The following DPP10 variants were observed in gnomAD, a reference collection of about 807,000 sequenced individuals.
The protein encoded by DPP10 is dipeptidyl peptidase like 10.
In DPP10, 33 loss-of-function variants were observed where a neutral mutation model predicts 120.9. The observed-to-expected ratio is 0.27, with a 90% CI of 0.21 to 0.37. DPP10 has a LOEUF of 0.37. Among genes scored for constraint, DPP10 ranks in the 10% least tolerant of loss-of-function variants. The pLI is 1.00. For missense variants in DPP10, 816 were observed against 942.8 expected (o/e 0.87, Z 1.76); for synonymous variants, 337 against 326.1 (o/e 1.03, Z -0.36).
chr2:114,683,587 T>C (rs918997723), intron 1 of DPP10, among the ~76,000 whole-genome samples: 2 of 111,614 alleles, frequency 1.8e-5, no homozygotes, highest in Non-Finnish European at 3.9e-5. Context: ...TCTCTCTTTT[T>C]CTTTTTTTCT....
At chr2:114,965,964 CAAAAAAAAA>C (rs57107624) in intron 1 of DPP10, among the ~76,000 whole-genome samples, 57 of 74,820 alleles carry the variant, frequency 7.6e-4, no homozygotes, top group Admixed American at 1.4e-3. Context: ...GACTCCTTCT[CAAAAAAAAA>C]AAAAAAAAAA....
intron 1 of DPP10, among the ~76,000 whole-genome samples, chr2:114,851,954 C>T (rs1282692716): frequency 1.3e-5 from 2 of 151,856 alleles, no homozygotes; most frequent in African/African-American, 4.8e-5. Flanking sequence ...CATGCCACTT[C>T]CTTTCATAAA....
intron 1 of DPP10, among the ~76,000 whole-genome samples, chr2:114,726,758 G>A (rs1306332625): frequency 1.3e-5 from 2 of 152,182 alleles, no homozygotes; most frequent in Admixed American, 6.5e-5. Context: ...CAGGCCACCT[G>A]TAGTTTGAAT....
At chr2:114,681,626 C>T (rs1433521462) in intron 1 of DPP10, among the ~76,000 whole-genome samples, 2 of 151,880 alleles carry the variant, frequency 1.3e-5, no homozygotes, top group Non-Finnish European at 2.9e-5. Flanking sequence ...ACTTTATTAT[C>T]CAACAGCAGG....
chr2:115,707,057 G>A (rs1470720447), intron 7 of DPP10, among the ~76,000 whole-genome samples: 2 of 151,898 alleles, frequency 1.3e-5, no homozygotes, highest in African/African-American at 4.8e-5. Flanking sequence ...GGAACATAGA[G>A]TAAAAAGAAA....
intron 1 of DPP10, among the ~76,000 whole-genome samples, chr2:115,201,076 A>G (rs2055673581): frequency 6.6e-6 from 1 of 152,160 alleles, no homozygotes; most frequent in South Asian, 2.1e-4. Flanking sequence ...ATGAGACTCC[A>G]GGCATTACAA....
chr2:115,389,266 C>G (rs1483539249), intron 3 of DPP10, among the ~76,000 whole-genome samples: 1 of 104,332 alleles, frequency 9.6e-6, no homozygotes, highest in East Asian at 2.6e-4. Flanking sequence ...TTACTAAACA[C>G]ACACACACAC....
chr2:115,435,158 A>G (rs1255114729), intron 3 of DPP10, among the ~76,000 whole-genome samples: 3 of 151,744 alleles, frequency 2.0e-5, no homozygotes, highest in African/African-American at 7.3e-5. Context: ...GAGTGCAGAT[A>G]TCTCTTCAAC....
At chr2:114,852,151 CTTTTTTTTT>C (rs34580352) in intron 1 of DPP10, among the ~76,000 whole-genome samples, 9 of 53,728 alleles carry the variant, frequency 1.7e-4, no homozygotes, top group Admixed American at 3.0e-4. Context: ...CGATTGCATC[CTTTTTTTTT>C]TTTTTTTTTT....
chr2:115,375,422 A>G (rs2065718420), intron 3 of DPP10, among the ~76,000 whole-genome samples: 1 of 151,980 alleles, frequency 6.6e-6, no homozygotes, highest in African/African-American at 2.4e-5. Flanking sequence ...CATCACTATC[A>G]CCCTTTTGGT....
At position 115,034,071 on chromosome 2, in the gene DPP10, T is replaced by A. The variant is rs147175028; in HGVS notation, c.61-275168T>A. Among the ~76,000 whole-genome samples, 252 of 151,752 alleles carry A rather than the reference T, an allele frequency of 1.7e-3. 1 individual carries two copies. Among genetic ancestry groups the A allele is most frequent in the Middle Eastern group, 0.014 (4 of 294 alleles). On this transcript the variant is annotated intron_variant, in intron 1 of 25. Coordinates refer to ENST00000410059, the MANE Select transcript of DPP10 (RefSeq NM_020868.6). ...TACCACCAAGCCCAGCTAATTTTTG[T>A]ATTTTAATAGAGACGGGGTTTCACC...
At chr2:115,209,196 C>T (rs1379346907) in intron 1 of DPP10, among the ~76,000 whole-genome samples, 2 of 152,102 alleles carry the variant, frequency 1.3e-5, no homozygotes, top group Non-Finnish European at 2.9e-5. Context: ...GTCAAACATT[C>T]TCAGTTTCAG....
chr2:115,516,027 G>A (rs1204665791), intron 4 of DPP10, among the ~76,000 whole-genome samples: 2 of 152,028 alleles, frequency 1.3e-5, no homozygotes, highest in Non-Finnish European at 2.9e-5. Context: ...GAAGCTATTG[G>A]TGAACATTTC....
chr2:115,740,149 C>T (rs1677076333), intron 9 of DPP10, among the ~76,000 whole-genome samples: 1 of 151,832 alleles, frequency 6.6e-6, no homozygotes. Context: ...TTTATTTTTT[C>T]ACACCTTACA....
intron 1 of DPP10, among the ~76,000 whole-genome samples, chr2:114,459,901 T>G (rs1678781819): frequency 6.6e-6 from 1 of 152,204 alleles, no homozygotes. Context: ...GGGAACTTGC[T>G]TGGCTGCTAT....
intron 7 of DPP10, among the ~76,000 whole-genome samples, chr2:115,722,913 T>C (rs1418998920): frequency 6.6e-6 from 1 of 152,272 alleles, no homozygotes; most frequent in Non-Finnish European, 1.5e-5. Context: ...AAAGTGGTGG[T>C]ATGCAGAACC....
At chr2:115,525,346 C>A (rs2078064131) in intron 4 of DPP10, among the ~76,000 whole-genome samples, 1 of 152,080 alleles carries the variant, frequency 6.6e-6, no homozygotes, top group East Asian at 1.9e-4. Flanking sequence ...CAAAATTAGT[C>A]AAGTACAGTG....
chr2:115,384,642 GGAAGAAGAAGAAGGAA>G lies in DPP10; in HGVS notation c.271+40755_271+40770del, dbSNP rs759026921. Among the ~76,000 whole-genome samples, 179 of 138,390 alleles carry G rather than the reference GGAAGAAGAAGAAGGAA, an allele frequency of 1.3e-3. 2 individuals carry two copies. The South Asian group carries it at 0.017, about 13-fold the overall frequency. The allele number at this position is 138,390 out of a possible 152,430, so 90.8% of individuals were successfully genotyped here. A position where few individuals can be genotyped will look rare whatever the true frequency, so the allele number is the denominator to read the frequency against. On this transcript the variant is annotated intron_variant, in intron 3 of 25. Coordinates refer to ENST00000410059, the MANE Select transcript of DPP10 (RefSeq NM_020868.6). ...GAAGAAGAAGAGGAAGAAGAAAGAA[GGAAGAAGAAGAAGGAA>G]GAAGAAGAAGAAGGAAGAAGAAGAG... is the stretch of plus-strand genomic sequence containing the variant.
intron 1 of DPP10, among the ~76,000 whole-genome samples, chr2:115,067,724 G>A (rs539248320): frequency 4.6e-4 from 69 of 149,278 alleles, no homozygotes; most frequent in Non-Finnish European, 8.3e-4. Context: ...TTAGCCGGGC[G>A]TGGTGGCGGG....
Sources: allele counts gnomAD v4.1 joint callset (sites outside exome capture counted in the v4.1 genomes callset), GRCh38; gene constraint gnomAD v4.1.1; transcripts MANE v1.5; gene names NCBI Gene and HGNC (gene_info 2026-07-23, HGNC 2026-07-21).